The following SEMA3D variants were observed in gnomAD, a reference collection of about 807,000 sequenced individuals.
SEMA3D encodes the protein semaphorin-3D.
Under a neutral mutation model 100.1 loss-of-function variants are expected in SEMA3D, and 84 were observed. The observed-to-expected ratio is 0.84, with a 90% CI of 0.70 to 1.01. The LOEUF (loss-of-function observed/expected upper bound fraction) is 1.01, where lower values mean the gene tolerates loss of function less well. Among genes scored for constraint, SEMA3D ranks in the 50% least tolerant of loss-of-function variants. The pLI is 0.00. For missense variants in SEMA3D, 875 were observed against 934.1 expected (o/e 0.94, Z 0.82); for synonymous variants, 312 against 320.7 (o/e 0.97, Z 0.29).
intron 10 of SEMA3D, chr7:85,041,801 G>A (rs1472392661): frequency 1.1e-5 from 2 of 179,010 alleles, no homozygotes; most frequent in African/African-American, 4.7e-5. Context: ...TGCCAGCAGA[G>A]GGCACCCGTG....
At chr7:85,052,201 C>T (rs1194689296) in intron 9 of SEMA3D, among the ~76,000 whole-genome samples, 1 of 151,950 alleles carries the variant, frequency 6.6e-6, no homozygotes, top group Non-Finnish European at 1.5e-5. Flanking sequence ...TAACAGGTCT[C>T]CCAGTCACAA....
At chr7:85,148,187 A>T (rs1337492324) in intron 2 of SEMA3D, among the ~76,000 whole-genome samples, 2 of 152,230 alleles carry the variant, frequency 1.3e-5, no homozygotes, top group Non-Finnish European at 2.9e-5. Flanking sequence ...TGTCAGAAAC[A>T]GCTACTAAGT....
chr7:85,244,945 T>G, the SEMA3D span, among the ~76,000 whole-genome samples: 10 of 152,074 alleles, frequency 6.6e-5, no homozygotes, highest in Admixed American at 2.0e-4. Context: ...CTCCTGACCT[T>G]GTGATCTGCC....
At chr7:85,202,773 A>G in the SEMA3D span, among the ~76,000 whole-genome samples, 1 of 152,182 alleles carries the variant, frequency 6.6e-6, no homozygotes, top group East Asian at 1.9e-4. Context: ...AGAGAAATGC[A>G]AACCAAAACC....
At chr7:85,231,080 C>G in the SEMA3D span, among the ~76,000 whole-genome samples, 5 of 152,090 alleles carry the variant, frequency 3.3e-5, no homozygotes, top group Non-Finnish European at 7.4e-5. Context: ...TTTTCTAGTT[C>G]TCTCAGTGTG....
At chr7:85,146,166 G>A (rs535390536) in intron 2 of SEMA3D, among the ~76,000 whole-genome samples, 1 of 152,068 alleles carries the variant, frequency 6.6e-6, no homozygotes, top group African/African-American at 2.4e-5. Flanking sequence ...CTTTATATTT[G>A]TATGACATCT....
chr7:85,173,408 T>C (rs759949588), intron 1 of SEMA3D, among the ~76,000 whole-genome samples: 7 of 152,114 alleles, frequency 4.6e-5, no homozygotes, highest in Non-Finnish European at 8.8e-5. Context: ...CTCACATCAC[T>C]GTAGCATGAT....
intron 5 of SEMA3D, among the ~76,000 whole-genome samples, chr7:85,080,981 G>A (rs1788041343): frequency 6.6e-6 from 1 of 152,170 alleles, no homozygotes; most frequent in Non-Finnish European, 1.5e-5. Context: ...TTCAGAGGAA[G>A]TAGTTACTAG....
intron 9 of SEMA3D, among the ~76,000 whole-genome samples, chr7:85,044,264 G>A (rs1280266008): frequency 2.0e-5 from 3 of 151,908 alleles, no homozygotes; most frequent in Non-Finnish European, 4.4e-5. Flanking sequence ...CTTGAAGAAA[G>A]GGGGAAGGGG....
chr7:85,206,498 G>A, the SEMA3D span, among the ~76,000 whole-genome samples: 2 of 151,886 alleles, frequency 1.3e-5, no homozygotes, highest in Admixed American at 6.6e-5. Context: ...AAATTATTTC[G>A]AAAACACTCC....
intron 2 of SEMA3D, chr7:85,141,940 C>T (rs1227289056): frequency 1.0e-6 from 1 of 981,680 alleles, no homozygotes; most frequent in Non-Finnish European, 1.2e-6. Flanking sequence ...ATGCACTTTG[C>T]ACTCAAAAAA....
At position 85,077,433 on chromosome 7, in the gene SEMA3D, C is replaced by T. The variant is rs73179848; in HGVS notation, c.375+4084G>A. Among the ~76,000 whole-genome samples the T allele has an allele frequency of 7.6e-3, 1,149 of 151,474 alleles. 10 individuals are homozygous for T. The highest frequency in any genetic ancestry group is 0.013 in the Non-Finnish European group (889 of 67,886). ...TGTTATACAAATATGTCTACCTATA[C>T]GTGTGTGTGTATATATATTATATAT... On this transcript the variant is annotated intron_variant, in intron 5 of 18. Coordinates refer to ENST00000284136, the MANE Select transcript of SEMA3D (RefSeq NM_001384900.1).
chr7:85,102,411 G>A (rs541025204), intron 3 of SEMA3D, among the ~76,000 whole-genome samples: 3 of 152,068 alleles, frequency 2.0e-5, no homozygotes, highest in Admixed American at 1.3e-4. Context: ...CTCAGAGTCT[G>A]AGACAAATTC....
At chr7:85,072,889 G>A (rs1791814423) in intron 6 of SEMA3D, 73 bp downstream of exon 6, 2 of 1,281,826 alleles carry the variant, frequency 1.6e-6, no homozygotes, top group Admixed American at 2.4e-5. Context: ...AAATCTGCCT[G>A]TTTTATGTCA....
chr7:85,113,372 C>A (rs1789147851), intron 3 of SEMA3D, among the ~76,000 whole-genome samples: 1 of 152,066 alleles, frequency 6.6e-6, no homozygotes, highest in African/African-American at 2.4e-5. Context: ...AATCAAACAA[C>A]CAAGCTCCTA....
chr7:85,139,921 A>G (rs1226425025), intron 2 of SEMA3D: 1 of 154,928 alleles, frequency 6.5e-6, no homozygotes, highest in Non-Finnish European at 1.4e-5. Flanking sequence ...TCAGCACACA[A>G]CAAACACACC....
Position 85,146,681 on chromosome 7 carries a change from G to C in SEMA3D, c.-41+6927C>G, listed in dbSNP as rs547412963. ...AACTAGCCTAATAGCAGGTATCACAGATAAAAGAAATGGAGAAATAAGACA... is the reference window on the plus strand; with the variant it reads ...AACTAGCCTAATAGCAGGTATCACACATAAAAGAAATGGAGAAATAAGACA... On this transcript the variant is annotated intron_variant, in intron 2 of 18. Coordinates refer to ENST00000284136, the MANE Select transcript of SEMA3D (RefSeq NM_001384900.1). Among the ~76,000 whole-genome samples the C allele has an allele frequency of 2.0e-5, 3 of 152,150 alleles. No homozygotes were observed. In the South Asian group the frequency reaches 6.2e-4, roughly 32 times the overall value.
intron 3 of SEMA3D, among the ~76,000 whole-genome samples, chr7:85,110,170 C>T (rs1789053269): frequency 1.3e-5 from 2 of 151,882 alleles, no homozygotes; most frequent in Admixed American, 1.3e-4. Flanking sequence ...AATAGTGCAT[C>T]ATATATTACC....
At chr7:85,050,942 T>C (rs2116049302) in intron 9 of SEMA3D, among the ~76,000 whole-genome samples, 1 of 152,042 alleles carries the variant, frequency 6.6e-6, no homozygotes, top group South Asian at 2.1e-4. Flanking sequence ...GTGTGATGTG[T>C]GTGTATGTGT....
Sources: gnomAD v4.1 joint callset for allele counts (sites outside exome capture counted in the v4.1 genomes callset) on GRCh38, gnomAD v4.1.1 for gene constraint, MANE v1.5 for transcripts, NCBI Gene and HGNC (gene_info 2026-07-23, HGNC 2026-07-21) for gene names.